RAB8A: variants seen among roughly 807,000 people sequenced by gnomAD.
The protein encoded by RAB8A is ras-related protein Rab-8A.
In RAB8A, 5 loss-of-function variants were observed where a neutral mutation model predicts 29.2. The observed-to-expected ratio is 0.17, with a 90% confidence interval of 0.09 to 0.36. The LOEUF (loss-of-function observed/expected upper bound fraction) is 0.36. RAB8A is among the 10% of genes least tolerant of loss of function. The probability of loss-of-function intolerance (pLI) is 1.00; values close to 1 mark genes in which losing one functional copy is unlikely to be tolerated. For missense variants in RAB8A, 171 were observed against 272.2 expected (o/e 0.63, Z 2.62); for synonymous variants, 108 against 99.9 (o/e 1.08, Z -0.49).
At chr19:16,116,029 C>G (rs2090844433) in intron 1 of RAB8A, among the ~76,000 whole-genome samples, 1 of 152,146 alleles carries the variant, frequency 6.6e-6, no homozygotes, top group Non-Finnish European at 1.5e-5. Context: ...CAGGTCCATG[C>G]AGCAGATACA....
intron 2 of RAB8A, among the ~76,000 whole-genome samples, chr19:16,118,569 T>C (rs2090857439): frequency 6.6e-6 from 1 of 152,212 alleles, no homozygotes. Context: ...GGGTCTGGCC[T>C]TCAGAGTGGG....
chr19:16,119,787 GA>G (rs950472035), intron 2 of RAB8A, among the ~76,000 whole-genome samples: 1 of 147,550 alleles, frequency 6.8e-6, no homozygotes, highest in African/African-American at 2.5e-5. Flanking sequence ...GACTGTAGTT[GA>G]AAAAAAAATG....
Position 16,133,453 on chromosome 19 carries a change from C to CTTTT in RAB8A, c.*1159_*1162dup, listed in dbSNP as rs202121639. 95 of 144,992 alleles carry CTTTT rather than the reference C, an allele frequency of 6.6e-4. No homozygotes were observed. The South Asian group carries it at 7.0e-3, about 11-fold the overall frequency. 9.0% of individuals were successfully genotyped at this position (144,992 alleles called of 1,614,324 possible). On this transcript the variant is annotated 3_prime_UTR_variant, in exon 8 of 8. Coordinates refer to ENST00000300935, the MANE Select transcript of RAB8A (RefSeq NM_005370.5). The stretch of plus-strand genomic sequence containing the variant: ...TCACCAGCCTTTTCTTTTTTTCTTT[C>CTTTT]TTTTTTTTTTTTTCCTCCTTAAGCT...
chr19:16,126,055 C>T, intron 4 of RAB8A: 1 of 210,260 alleles, frequency 4.8e-6, no homozygotes. Flanking sequence ...TCATCTTCTG[C>T]TCCCCAAAGA....
At chr19:16,117,890 C>T (rs1279526298) in intron 1 of RAB8A, among the ~76,000 whole-genome samples, 3 of 152,006 alleles carry the variant, frequency 2.0e-5, no homozygotes, top group African/African-American at 7.3e-5. Flanking sequence ...TGTTGGGGAG[C>T]AAGGGACTCA....
rs144989929 is a variant in RAB8A, at chr19:16,132,678, G to A, written c.*374G>A. 7.6e-4 allele frequency: 152 copies of A among 200,324 alleles called. No individual in the cohort carries two copies. Among genetic ancestry groups the A allele is most frequent in the African/African-American group, 3.5e-3 (149 of 42,398 alleles). 12.4% of individuals were successfully genotyped at this position (200,324 alleles called of 1,614,324 possible). A position where few individuals can be genotyped will look rare whatever the true frequency, so the allele number is the denominator to read the frequency against. On this transcript the variant is annotated 3_prime_UTR_variant, in exon 8 of 8. Coordinates refer to ENST00000300935, the MANE Select transcript of RAB8A (RefSeq NM_005370.5). This position sits in a 1 kb window ranked among gnomAD's most constrained non-coding sequence, Gnocchi z 5.6. ...CTGCAACACAAAGCTCCACCAGGAG[G>A]CTGGTTCACGTCCCCTACCACGGAA...
chr19:16,118,346 C>T, intron 2 of RAB8A, 60 bp downstream of exon 2: 1 of 1,487,658 alleles, frequency 6.7e-7, no homozygotes, highest in Non-Finnish European at 9.3e-7. Context: ...GCCAGAAGCC[C>T]TTGGCCTTCT....
intron 4 of RAB8A, chr19:16,126,025 C>T (rs192699679): frequency 7.7e-4 from 163 of 211,356 alleles, no homozygotes; most frequent in Admixed American, 5.7e-4. Context: ...ACCCCTCCTC[C>T]CCTCCCAAAG....
At position 16,127,624 on chromosome 19, in the gene RAB8A, G is replaced by A. The variant is rs962108260; in HGVS notation, c.414+98G>A. On this transcript the variant is annotated intron_variant, in intron 5 of 7. Coordinates refer to ENST00000300935, the MANE Select transcript of RAB8A (RefSeq NM_005370.5). This position sits in a 1 kb window ranked among gnomAD's most constrained non-coding sequence, Gnocchi z 4.8. ...CTCCTCTGCCCCAGGGGCCTGAGAC[G>A]AGTTGGTCACCCCAGTGGGGCACGT... The A allele has an allele frequency of 7.9e-6, 8 of 1,007,884 alleles. No homozygotes were observed. The East Asian group carries it at 8.0e-5, about 10-fold the overall frequency. 62.4% of individuals were successfully genotyped at this position (1,007,884 alleles called of 1,614,324 possible). A position where few individuals can be genotyped will look rare whatever the true frequency, so the allele number is the denominator to read the frequency against.
In RAB8A at chr19:16,125,476, A is replaced by T. The variant is rs1298136718; in HGVS notation, c.253A>T (p.Met85Leu). The T allele has an allele frequency of 6.2e-7, 1 of 1,614,032 alleles. No homozygotes were observed. Among genetic ancestry groups the T allele is most frequent in the Admixed American group, 1.7e-5 (1 of 60,014 alleles). The change falls in exon 4 of 8, where the codon ATG becomes TTG. Residue 85 changes from methionine to leucine, a missense_variant. By Grantham distance (15) the Met-to-Leu change is conservative. Coordinates refer to ENST00000300935, the MANE Select transcript of RAB8A (RefSeq NM_005370.5). This position sits in a 1 kb window ranked among gnomAD's most constrained non-coding sequence, Gnocchi z 5.0. ...TAYYRGAMGI[M>L]LVYDITNEKS... is the part of the protein sequence containing the mutation. ...GTCTTCTCTCCCCGCGCAGGGCATC[A>T]TGCTGGTCTACGACATCACCAACGA...
chr19:16,118,677 C>T (rs1057104473), intron 2 of RAB8A, among the ~76,000 whole-genome samples: 1 of 152,192 alleles, frequency 6.6e-6, no homozygotes, highest in African/African-American at 2.4e-5. Flanking sequence ...TCCTTTTGAG[C>T]CTCTCAACCC....
intron 7 of RAB8A, among the ~76,000 whole-genome samples, chr19:16,131,862 G>T (rs1370796266): frequency 2.2e-5 from 3 of 138,634 alleles, no homozygotes; most frequent in African/African-American, 8.5e-5. Context: ...ATGGTTGGTT[G>T]GTTGGTTGGT....
chr19:16,112,148 C>T (rs1489881043), intron 1 of RAB8A, 123 bp downstream of exon 1: 76 of 1,378,970 alleles, frequency 5.5e-5, no homozygotes, highest in Non-Finnish European at 7.3e-5. Context: ...TCGAGGGGGC[C>T]TAAAGGGAGA....
Position 16,128,134 on chromosome 19 carries a change from C to A in RAB8A, c.480+43C>A, listed in dbSNP as rs374489648. 2.5e-6 allele frequency: 4 copies of A among 1,597,728 alleles called. No homozygotes were observed. In the African/African-American group the frequency reaches 4.0e-5, roughly 16 times the overall value. On this transcript the variant is annotated intron_variant, in intron 6 of 7. Transcript: ENST00000300935. ...CTGGGAGACATGGGGCCTGCAGGAT[C>A]GGCCCCTTCAGGCTAAAGGGGGAGC...
chr19:16,132,543 C>G lies in RAB8A; in HGVS notation c.*239C>G. The G allele has an allele frequency of 1.9e-6, 1 of 527,104 alleles. No individual in the cohort carries two copies. The highest frequency in any genetic ancestry group is 2.0e-5 in the South Asian group (1 of 48,866). The allele number at this position is 527,104 out of a possible 1,614,324, so 32.7% of individuals were successfully genotyped here. ...TATTTTTCCTGTAACATCTGCTGAACGGGCCCACCCACACGTTGTATATTC... is the reference window on the plus strand; with the variant it reads ...TATTTTTCCTGTAACATCTGCTGAAGGGGCCCACCCACACGTTGTATATTC... On this transcript the variant is annotated 3_prime_UTR_variant, in exon 8 of 8. Coordinates refer to ENST00000300935, the MANE Select transcript of RAB8A (RefSeq NM_005370.5). This position sits in a 1 kb window ranked among gnomAD's most constrained non-coding sequence, Gnocchi z 5.6.
chr19:16,113,328 T>C (rs1394782131), intron 1 of RAB8A, among the ~76,000 whole-genome samples: 1 of 152,236 alleles, frequency 6.6e-6, no homozygotes, highest in African/African-American at 2.4e-5. Flanking sequence ...CAGAATCGTG[T>C]TATCTCCCTG....
At chr19:16,129,422 C>T (rs2090915697) in intron 6 of RAB8A, 132 bp from the exon 7 acceptor site, 1 of 810,586 alleles carries the variant, frequency 1.2e-6, no homozygotes, top group African/African-American at 1.7e-5. Context: ...AACCCACTGC[C>T]AGAGGCGGGC....
In RAB8A at chr19:16,127,634, C is replaced by T; in HGVS notation, c.414+108C>T. ...CCAGGGGCCTGAGACGAGTTGGTCACCCCAGTGGGGCACGTGCCATGGGAT... is the reference window on the plus strand; with the variant it reads ...CCAGGGGCCTGAGACGAGTTGGTCATCCCAGTGGGGCACGTGCCATGGGAT... On this transcript the variant is annotated intron_variant, in intron 5 of 7. Coordinates refer to ENST00000300935, the MANE Select transcript of RAB8A (RefSeq NM_005370.5). The surrounding 1 kb of genome is among the most constrained non-coding windows in gnomAD (Gnocchi z 4.8). 1 of 900,024 alleles carries T rather than the reference C, an allele frequency of 1.1e-6. No individual in the cohort carries two copies. The highest frequency in any genetic ancestry group is 1.6e-6 in the Non-Finnish European group (1 of 608,720). The allele number at this position is 900,024 out of a possible 1,614,324, so 55.8% of individuals were successfully genotyped here. A position where few individuals can be genotyped will look rare whatever the true frequency, so the allele number is the denominator to read the frequency against.
At chr19:16,119,975 G>A (rs372177416) in intron 2 of RAB8A, among the ~76,000 whole-genome samples, 5 of 151,926 alleles carry the variant, frequency 3.3e-5, no homozygotes, top group South Asian at 2.1e-4. Context: ...CACCACGCTC[G>A]GCTAATTTTG....
Sources: allele counts gnomAD v4.1 joint callset (sites outside exome capture counted in the v4.1 genomes callset), GRCh38; gene constraint gnomAD v4.1.1; non-coding constraint Gnocchi (gnomAD v3.1); transcripts MANE v1.5; gene names NCBI Gene and HGNC (gene_info 2026-07-23, HGNC 2026-07-21).